The following CSTPP1 variants were observed in gnomAD, a reference collection of about 807,000 sequenced individuals.
The protein encoded by CSTPP1 is centriolar satellite-associated tubulin polyglutamylase complex regulator 1, also known as UPF0705 protein C11orf49.
At chr11:47,082,692 C>T in the CSTPP1 span, among the ~76,000 whole-genome samples, 16 of 152,134 alleles carry the variant, frequency 1.1e-4, no homozygotes, top group Middle Eastern at 3.4e-3. Flanking sequence ...AAAAATACCC[C>T]GTACACATTA....
chr11:47,133,482 G>A, the CSTPP1 span, among the ~76,000 whole-genome samples: 2 of 152,230 alleles, frequency 1.3e-5, no homozygotes, highest in African/African-American at 4.8e-5. Context: ...AAGAGTGGCT[G>A]GCAGGTGGGT....
the CSTPP1 span, among the ~76,000 whole-genome samples, chr11:47,074,522 CAG>C: frequency 1.5e-3 from 182 of 121,658 alleles, no homozygotes; most frequent in African/African-American, 4.9e-3. Flanking sequence ...AAAAAAAAAA[CAG>C]AAAAAAAAAA....
At chr11:47,059,305 C>G in the CSTPP1 span, among the ~76,000 whole-genome samples, 1 of 152,040 alleles carries the variant, frequency 6.6e-6, no homozygotes, top group African/African-American at 2.4e-5. Flanking sequence ...ACATCTATCC[C>G]GTTTTTTTTA....
At chr11:47,128,124 C>T in the CSTPP1 span, among the ~76,000 whole-genome samples, 2 of 152,106 alleles carry the variant, frequency 1.3e-5, no homozygotes, top group African/African-American at 4.8e-5. Flanking sequence ...ATCTGCCCGC[C>T]TCTGGCTCCC....
At chr11:47,149,769 T>G in the CSTPP1 span, among the ~76,000 whole-genome samples, 1 of 152,128 alleles carries the variant, frequency 6.6e-6, no homozygotes. Flanking sequence ...AACATCAAAC[T>G]GTCCCCCCAC....
chr11:47,093,078 T>C, the CSTPP1 span, among the ~76,000 whole-genome samples: 1 of 152,220 alleles, frequency 6.6e-6, no homozygotes, highest in Non-Finnish European at 1.5e-5. Flanking sequence ...ATCTAATCTG[T>C]TGTTGTTTGT....
chr11:46,994,910 CT>C, the CSTPP1 span, among the ~76,000 whole-genome samples: 2 of 152,174 alleles, frequency 1.3e-5, 1 homozygote, highest in South Asian at 4.2e-4. Context: ...TGGTCCTGGA[CT>C]TTTTTTGGTT....
the CSTPP1 span, among the ~76,000 whole-genome samples, chr11:47,120,297 T>C: frequency 1.3e-5 from 2 of 152,114 alleles, no homozygotes; most frequent in Non-Finnish European, 2.9e-5. This position sits in a 1 kb window ranked among gnomAD's most constrained non-coding sequence, Gnocchi z 4.2. Context: ...GTCCCCTTGA[T>C]ATGTATAAGC....
At chr11:47,156,106 C>T in the CSTPP1 span, among the ~76,000 whole-genome samples, 1 of 152,212 alleles carries the variant, frequency 6.6e-6, no homozygotes, top group African/African-American at 2.4e-5. Flanking sequence ...CCAGCCAGCC[C>T]TGGCCTCATT....
chr11:46,989,812 A>G, the CSTPP1 span, among the ~76,000 whole-genome samples: 27 of 151,102 alleles, frequency 1.8e-4, no homozygotes, highest in Admixed American at 4.0e-4. Flanking sequence ...TCTCCCCTCT[A>G]GCAGTCCACA....
chr11:47,018,196 T>A, the CSTPP1 span, among the ~76,000 whole-genome samples: 1 of 152,132 alleles, frequency 6.6e-6, no homozygotes, highest in Non-Finnish European at 1.5e-5. Flanking sequence ...TAAATACTCA[T>A]GTACTCATTT....
the CSTPP1 span, among the ~76,000 whole-genome samples, chr11:47,021,150 C>G: frequency 6.6e-6 from 1 of 152,160 alleles, no homozygotes; most frequent in African/African-American, 2.4e-5. Context: ...AAACTAACCA[C>G]TACATTGGTT....
the CSTPP1 span, chr11:47,161,060 A>G: frequency 1.9e-6 from 3 of 1,597,274 alleles, no homozygotes; most frequent in African/African-American, 4.0e-5. Context: ...GGTGAGGGGC[A>G]TGGAGGAATC....
chr11:47,036,185 T>TG, the CSTPP1 span, among the ~76,000 whole-genome samples: 1 of 56,040 alleles, frequency 1.8e-5, no homozygotes, highest in African/African-American at 5.6e-5. Context: ...TATAAATATA[T>TG]ATTTATATTA....
the CSTPP1 span, among the ~76,000 whole-genome samples, chr11:47,118,124 T>G: frequency 1.3e-5 from 2 of 152,078 alleles, no homozygotes; most frequent in Non-Finnish European, 2.9e-5. Context: ...GTGATCCACC[T>G]GCCTCGGCCT....
chr11:47,131,896 G>T, the CSTPP1 span, among the ~76,000 whole-genome samples: 3 of 151,948 alleles, frequency 2.0e-5, no homozygotes, highest in Admixed American at 6.6e-5. Context: ...AGAATCGCTT[G>T]AACCCAGTAA....
the CSTPP1 span, among the ~76,000 whole-genome samples, chr11:47,049,094 T>A: frequency 2.6e-5 from 4 of 151,936 alleles, no homozygotes; most frequent in Non-Finnish European, 5.9e-5. Context: ...CCAGCAGTCC[T>A]CCCACCTCAG....
chr11:47,137,564 T>A, the CSTPP1 span: 1 of 1,607,242 alleles, frequency 6.2e-7, no homozygotes, highest in East Asian at 2.2e-5. Context: ...AGACCAGGTC[T>A]GAAACTCATG....
the CSTPP1 span, among the ~76,000 whole-genome samples, chr11:47,092,414 C>G: frequency 6.6e-6 from 1 of 152,156 alleles, no homozygotes; most frequent in Non-Finnish European, 1.5e-5. Context: ...TAGGTTTCCC[C>G]CATTCCCACC....
Sources: gnomAD v4.1 joint callset for allele counts (sites outside exome capture counted in the v4.1 genomes callset) on GRCh38, gnomAD v4.1.1 for gene constraint, Gnocchi (gnomAD v3.1) non-coding constraint, MANE v1.5 for transcripts, NCBI Gene and HGNC (gene_info 2026-07-23, HGNC 2026-07-21) for gene names.